DLG2: variants seen among roughly 807,000 people sequenced by gnomAD.
DLG2 encodes disks large homolog 2.
In DLG2, 45 loss-of-function variants were observed where a neutral mutation model predicts 132.5. The observed-to-expected ratio is 0.34, with a 90% CI of 0.27 to 0.44. DLG2 has a LOEUF of 0.44. DLG2 is among the 20% of genes least tolerant of loss of function. The pLI, the probability that DLG2 is intolerant of heterozygous loss-of-function variation, is 1.00. For synonymous variants in DLG2, 424 were observed against 419.6 expected (o/e 1.01, Z -0.13); for missense variants, 1,045 against 1,196.9 (o/e 0.87, Z 1.87).
At chr11:83,555,738 TA>T (rs1428920914) in intron 19 of DLG2, among the ~76,000 whole-genome samples, 1 of 152,204 alleles carries the variant, frequency 6.6e-6, no homozygotes, top group African/African-American at 2.4e-5. Context: ...CTCAGGTCCC[TA>T]AGAAGAATTT....
At chr11:85,265,803 C>A (rs562397264) in intron 4 of DLG2, among the ~76,000 whole-genome samples, 2 of 152,292 alleles carry the variant, frequency 1.3e-5, no homozygotes, top group South Asian at 4.1e-4. Flanking sequence ...AACTTGACTT[C>A]GGAGGAGAGA....
chr11:85,104,872 CAAAAAAAAA>C lies in DLG2; in HGVS notation c.357+6780_357+6788del, dbSNP rs56043190. Among the ~76,000 whole-genome samples the C allele has an allele frequency of 2.0e-4, 11 of 56,054 alleles. 1 individual carries two copies. The highest frequency in any genetic ancestry group is 6.5e-4 in the East Asian group (1 of 1,550). The allele number at this position is 56,054 out of a possible 152,430, so 36.8% of individuals were successfully genotyped here. A position where few individuals can be genotyped will look rare whatever the true frequency, so the allele number is the denominator to read the frequency against. ...TTCTATTAGATCTTTGGCTGAATGG[CAAAAAAAAA>C]AAAAAAAAAAAAAAAAAAACAGAGA... On this transcript the variant is annotated intron_variant, in intron 6 of 27. Transcript: ENST00000376104.
intron 3 of DLG2, among the ~76,000 whole-genome samples, chr11:85,431,853 T>C (rs1408548303): frequency 6.6e-6 from 1 of 152,216 alleles, no homozygotes; most frequent in Admixed American, 6.5e-5. Context: ...TCCTATGCCA[T>C]CCAACTAGGT....
At chr11:84,996,951 A>G (rs1460274283) in intron 6 of DLG2, among the ~76,000 whole-genome samples, 3 of 152,200 alleles carry the variant, frequency 2.0e-5, no homozygotes, top group African/African-American at 7.2e-5. Flanking sequence ...TTCTTTCTAA[A>G]AAGGAGCAAG....
chr11:84,262,283 A>G (rs555195646), intron 7 of DLG2, among the ~76,000 whole-genome samples: 12 of 152,264 alleles, frequency 7.9e-5, no homozygotes, highest in African/African-American at 2.9e-4. Flanking sequence ...TGGCAGTGTT[A>G]CTTGTTCTAA....
At chr11:85,538,848 AG>A (rs957320172) in intron 3 of DLG2, among the ~76,000 whole-genome samples, 1 of 151,774 alleles carries the variant, frequency 6.6e-6, no homozygotes, top group African/African-American at 2.4e-5. Flanking sequence ...TGAGTGGAAC[AG>A]GGGAAGGAGG....
intron 6 of DLG2, among the ~76,000 whole-genome samples, chr11:84,812,044 T>C (rs537865944): frequency 3.0e-4 from 46 of 152,236 alleles, no homozygotes; most frequent in African/African-American, 1.1e-3. Flanking sequence ...GTCTACCATG[T>C]GTAAGTCATT....
chr11:83,881,792 A>C (rs2066336004), intron 15 of DLG2, among the ~76,000 whole-genome samples: 1 of 152,220 alleles, frequency 6.6e-6, no homozygotes. Flanking sequence ...ATTATTCTTA[A>C]ATCTGTTTAT....
intron 21 of DLG2, among the ~76,000 whole-genome samples, chr11:83,520,599 A>C (rs1434205579): frequency 6.7e-6 from 1 of 149,962 alleles, no homozygotes; most frequent in Non-Finnish European, 1.5e-5. Flanking sequence ...AGGTAGATAG[A>C]TAGAAAGACA....
intron 16 of DLG2, among the ~76,000 whole-genome samples, chr11:83,852,951 AC>A (rs1432295248): frequency 6.6e-6 from 1 of 152,206 alleles, no homozygotes; most frequent in Non-Finnish European, 1.5e-5. Flanking sequence ...CTCTTCTTGA[AC>A]ATGGCATTCT....
intron 2 of DLG2, among the ~76,000 whole-genome samples, chr11:85,621,837 C>A (rs2081725422): frequency 6.6e-6 from 1 of 152,232 alleles, no homozygotes; most frequent in African/African-American, 2.4e-5. Context: ...TAGAATATTA[C>A]ATACACTTAG....
intron 14 of DLG2, among the ~76,000 whole-genome samples, chr11:83,931,713 C>A (rs2080262698): frequency 6.6e-6 from 1 of 152,158 alleles, no homozygotes; most frequent in African/African-American, 2.4e-5. Flanking sequence ...TTATTTGAAT[C>A]TTTTGGGAAC....
chr11:84,430,276 A>G (rs1462933883), intron 7 of DLG2, among the ~76,000 whole-genome samples: 2 of 151,970 alleles, frequency 1.3e-5, no homozygotes, highest in East Asian at 3.9e-4. Flanking sequence ...TCTCTACTAG[A>G]AATACAAAAA....
At chr11:84,893,393 A>G (rs1480609961) in intron 6 of DLG2, among the ~76,000 whole-genome samples, 2 of 152,170 alleles carry the variant, frequency 1.3e-5, no homozygotes, top group Non-Finnish European at 2.9e-5. Flanking sequence ...TGGGTTTCAA[A>G]TGGTGTGGCT....
At chr11:84,815,510 T>C (rs1423766016) in intron 6 of DLG2, among the ~76,000 whole-genome samples, 2 of 152,052 alleles carry the variant, frequency 1.3e-5, no homozygotes, top group African/African-American at 4.8e-5. Context: ...AGATGTTCCA[T>C]AAGCAGTAGG....
chr11:85,256,316 C>T (rs926920776), intron 4 of DLG2, among the ~76,000 whole-genome samples: 4 of 152,126 alleles, frequency 2.6e-5, no homozygotes, highest in African/African-American at 9.7e-5. Flanking sequence ...GATGACCAAA[C>T]TCCAGGCGAA....
At chr11:85,129,425 T>C (rs1450540198) in intron 5 of DLG2, among the ~76,000 whole-genome samples, 1 of 152,180 alleles carries the variant, frequency 6.6e-6, no homozygotes, top group Non-Finnish European at 1.5e-5. Flanking sequence ...TTACACAAAA[T>C]CCACAATCAT....
rs138584725 is a variant in DLG2, at chr11:84,053,855, A to G, written c.919+5460T>C. Among the ~76,000 whole-genome samples the G allele has an allele frequency of 4.6e-5, 7 of 152,030 alleles. No homozygotes were observed. In the South Asian group the frequency reaches 1.0e-3, roughly 22 times the overall value. On this transcript the variant is annotated intron_variant, in intron 11 of 27. Transcript: ENST00000376104. ...TTCATAGTTACCATTTTTCCTGTAC[A>G]AAACATAAACTCACAATCTTTACTA...
chr11:84,385,121 A>G (rs2098764218), intron 7 of DLG2, among the ~76,000 whole-genome samples: 1 of 152,072 alleles, frequency 6.6e-6, no homozygotes, highest in African/African-American at 2.4e-5. Flanking sequence ...GACTTCTCCA[A>G]TCATTTCTGT....
Sources: allele counts gnomAD v4.1 joint callset (sites outside exome capture counted in the v4.1 genomes callset), GRCh38; gene constraint gnomAD v4.1.1; transcripts MANE v1.5; gene names NCBI Gene and HGNC (gene_info 2026-07-23, HGNC 2026-07-21).